C12orf76: variants seen among roughly 807,000 people sequenced by gnomAD.
C12orf76 encodes uncharacterized protein C12orf76.
A neutral mutation model predicts 6.8 loss-of-function variants in C12orf76; 6 were observed. That is an observed-to-expected ratio of 0.88 (90% CI 0.48 to 1.73). The LOEUF is 1.73. Ranked by LOEUF, C12orf76 falls within the 40% of genes most tolerant of loss-of-function variation. C12orf76 has a pLI of 0.01. For missense variants in C12orf76, 99 were observed against 98.2 expected (o/e 1.01, Z -0.03); for synonymous variants, 56 against 43.7 (o/e 1.28, Z -1.11).
At chr12:110,071,243 C>A (rs1047727249), upstream of C12orf76, among the ~76,000 whole-genome samples, 2 of 152,090 alleles carry the variant, frequency 1.3e-5, no homozygotes, top group African/African-American at 4.8e-5. Flanking sequence ...ATTTAATATT[C>A]CTAACAATTC....
At chr12:110,044,904 C>T (rs1027279590) in intron 1 of C12orf76, among the ~76,000 whole-genome samples, 2 of 152,048 alleles carry the variant, frequency 1.3e-5, no homozygotes, top group African/African-American at 2.4e-5. Context: ...ACCCGGGAGG[C>T]GGAGGTTGCG....
chr12:110,061,693 CG>C (rs1566078024), intron 2 of C12orf76, among the ~76,000 whole-genome samples: 1 of 152,020 alleles, frequency 6.6e-6, no homozygotes, highest in East Asian at 1.9e-4. Context: ...TCTGCCCCCA[CG>C]CTCAGCTAAT....
upstream of C12orf76, among the ~76,000 whole-genome samples, chr12:110,068,240 GAAGAAGA>G (rs1444103221): frequency 1.0e-4 from 14 of 134,780 alleles, no homozygotes; most frequent in African/African-American, 3.5e-4. Flanking sequence ...AAGAGAAGAA[GAAGAAGA>G]AAGAAGAAGA....
At chr12:110,063,924 GAACA>G (rs550645760) in intron 2 of C12orf76, among the ~76,000 whole-genome samples, 37 of 152,004 alleles carry the variant, frequency 2.4e-4, no homozygotes, top group Non-Finnish European at 3.5e-4. Flanking sequence ...ACAAACAAAC[GAACA>G]AACAAACAAA....
chr12:110,072,449 G>A (rs186328367), upstream of C12orf76, among the ~76,000 whole-genome samples: 4 of 152,162 alleles, frequency 2.6e-5, 1 homozygote, highest in East Asian at 7.7e-4. Flanking sequence ...GTGGGAAGGA[G>A]GGGGAATGGT....
chr12:110,058,455 G>A (rs748390615), intron 3 of C12orf76, among the ~76,000 whole-genome samples: 3 of 152,166 alleles, frequency 2.0e-5, no homozygotes, highest in Admixed American at 1.3e-4. Context: ...CTTGAGGCCA[G>A]GAGTTCAAGA....
At chr12:110,057,158 C>G (rs368875688) in intron 4 of C12orf76, 2 of 1,467,502 alleles carry the variant, frequency 1.4e-6, no homozygotes, top group African/African-American at 2.8e-5. Flanking sequence ...AATCCACATG[C>G]TCTGAATATA....
At chr12:110,057,383 G>C (rs978231290) in intron 3 of C12orf76, 1 of 833,998 alleles carries the variant, frequency 1.2e-6, no homozygotes. Flanking sequence ...ACTAACCCAG[G>C]GCCAACAGAC....
At position 110,048,419 on chromosome 12, in the gene C12orf76, G is replaced by T; in HGVS notation, c.77C>A (p.Pro26His). Reference protein sequence around the residue: ...LLVGEAEAPSPVDPLERSRPY... With the variant: ...LLVGEAEAPSHVDPLERSRPY... ...CCGGCTCCGCTCCAGCGGATCCACG[G>T]GGCTCGGGGCCTCTGCCTCCCCCAC... is the stretch of plus-strand genomic sequence containing the variant. Residue 26 changes from proline to histidine, a missense_variant, in exon 1 of 2, where the codon CCC becomes CAC. Pro to His is a moderately conservative substitution (Grantham distance 77). Transcript: ENST00000615315. 3.3e-6 allele frequency: 5 copies of T among 1,515,180 alleles called. No homozygotes were observed. Among genetic ancestry groups the T allele is most frequent in the Non-Finnish European group, 4.4e-6 (5 of 1,136,648 alleles). The allele number at this position is 1,515,180 out of a possible 1,614,324, so 93.9% of individuals were successfully genotyped here. A position where few individuals can be genotyped will look rare whatever the true frequency, so the allele number is the denominator to read the frequency against.
intron 1 of C12orf76, among the ~76,000 whole-genome samples, chr12:110,066,569 C>T (rs1049434645): frequency 1.3e-5 from 2 of 151,832 alleles, no homozygotes; most frequent in Admixed American, 1.3e-4. Context: ...TGCCTGTAAT[C>T]CCAGCTAACT....
rs1892642975 is a variant in C12orf76, at chr12:110,054,877, A to G, written n.664+2312T>C. On this transcript the variant is annotated intron_variant and non_coding_transcript_variant, in intron 4 of 4. Transcript: ENST00000309050. This position sits in a 1 kb window ranked among gnomAD's most constrained non-coding sequence, Gnocchi z 4.4. Reference sequence around the variant, plus strand: ...GTGGCTATTTCACAGGTGCAGTCACAGCACACTACAGCCACAAACTCCTGG... The same window carrying G: ...GTGGCTATTTCACAGGTGCAGTCACGGCACACTACAGCCACAAACTCCTGG... Among the ~76,000 whole-genome samples the G allele has an allele frequency of 6.6e-6, 1 of 152,186 alleles. No homozygotes were observed. Among genetic ancestry groups the G allele is most frequent in the African/African-American group, 2.4e-5 (1 of 41,442 alleles).
At chr12:110,046,928 G>A (rs1252466247) in intron 1 of C12orf76, among the ~76,000 whole-genome samples, 1 of 152,044 alleles carries the variant, frequency 6.6e-6, no homozygotes, top group African/African-American at 2.4e-5. Context: ...CTCGCCCCCT[G>A]AAATCATTTA....
At chr12:110,043,972 C>T (rs1892383152) in intron 1 of C12orf76, 1 of 151,268 alleles carries the variant, frequency 6.6e-6, no homozygotes, top group South Asian at 2.1e-4. Context: ...CAAGTTGAGC[C>T]CTGGTGATAC....
At chr12:110,048,256 A>G in intron 1 of C12orf76, 107 bp downstream of exon 1, 2 of 1,321,792 alleles carry the variant, frequency 1.5e-6, no homozygotes, top group Non-Finnish European at 2.0e-6. Context: ...GCACTCACCC[A>G]TCTCCCCACT....
At chr12:110,044,850 G>A (rs1330322861) in intron 1 of C12orf76, among the ~76,000 whole-genome samples, 2 of 152,024 alleles carry the variant, frequency 1.3e-5, no homozygotes, top group Admixed American at 6.5e-5. Context: ...GTGCATGCCT[G>A]TAATCCCAGC....
chr12:110,048,622 T>A (rs965044292), upstream of C12orf76: 4 of 1,307,338 alleles, frequency 3.1e-6, no homozygotes, highest in Non-Finnish European at 3.9e-6. Flanking sequence ...TAACTGTGCG[T>A]CCTGGTCTAA....
chr12:110,055,913 G>A (rs572480336), intron 4 of C12orf76, among the ~76,000 whole-genome samples: 1 of 152,144 alleles, frequency 6.6e-6, no homozygotes, highest in South Asian at 2.1e-4. Context: ...TTTAGGGAGG[G>A]TCAGAATCTT....
At chr12:110,069,789 T>C (rs1892938760), upstream of C12orf76, among the ~76,000 whole-genome samples, 1 of 152,198 alleles carries the variant, frequency 6.6e-6, no homozygotes, top group Non-Finnish European at 1.5e-5. Flanking sequence ...GCTGAATAAT[T>C]GTACTAGTTA....
exon 3 of C12orf76, chr12:110,059,017 A>G (rs1209067394): frequency 9.0e-6 from 14 of 1,551,172 alleles, no homozygotes; most frequent in Admixed American, 2.0e-5. Context: ...AAACTGTGGT[A>G]TGAATGAAGC....
Sources: allele counts gnomAD v4.1 joint callset (sites outside exome capture counted in the v4.1 genomes callset), GRCh38; gene constraint gnomAD v4.1.1; non-coding constraint Gnocchi (gnomAD v3.1); transcripts MANE v1.5; gene names NCBI Gene and HGNC (gene_info 2026-07-23, HGNC 2026-07-21).